The following GDPD1 variants were observed in gnomAD, a reference collection of about 807,000 sequenced individuals.
GDPD1 encodes lysophospholipase D GDPD1.
Under a neutral mutation model 45.1 loss-of-function variants are expected in GDPD1, and 28 were observed. The observed-to-expected ratio is 0.62, with a 90% CI of 0.46 to 0.85. The LOEUF (loss-of-function observed/expected upper bound fraction) is 0.85, where lower values mean the gene tolerates loss of function less well. Ranked by LOEUF, GDPD1 falls within the 40% of genes least tolerant of loss-of-function variation. The pLI is 0.00. For synonymous variants in GDPD1, 139 were observed against 131.4 expected (o/e 1.06, Z -0.40); for missense variants, 256 against 364.8 (o/e 0.70, Z 2.43).
rs189766661 is a variant in GDPD1, at chr17:59,222,695, A to G, written c.142+1944A>G. ...ACGCACAGCTAATTTTTGTATTTTT[A>G]GTGGAGACGAGGTTTCACCATGTTG... On this transcript the variant is annotated intron_variant, in intron 1 of 9. Coordinates refer to ENST00000284116, the MANE Select transcript of GDPD1 (RefSeq NM_182569.4). Among the ~76,000 whole-genome samples the G allele has an allele frequency of 3.0e-3, 458 of 151,184 alleles. 3 individuals carry two copies. Among genetic ancestry groups the G allele is most frequent in the Admixed American group, 7.9e-3 (119 of 15,092 alleles).
chr17:59,239,033 C>T (rs1232515433), intron 2 of GDPD1, among the ~76,000 whole-genome samples: 1 of 152,106 alleles, frequency 6.6e-6, no homozygotes, highest in African/African-American at 2.4e-5. Context: ...TTAGGAAATA[C>T]CCGTAGGACA....
At chr17:59,262,777 G>A (rs1260810967) in intron 6 of GDPD1, among the ~76,000 whole-genome samples, 10 of 151,842 alleles carry the variant, frequency 6.6e-5, no homozygotes, top group African/African-American at 9.7e-5. Context: ...ACAGGCGCCC[G>A]CCACTAAGCC....
At chr17:59,220,873 T>C (rs184486789) in intron 1 of GDPD1, 122 bp downstream of exon 1, 19 of 1,103,348 alleles carry the variant, frequency 1.7e-5, no homozygotes, top group Non-Finnish European at 2.6e-6. Context: ...GTTGTGTGAA[T>C]TGAGGGCTCT....
At chr17:59,253,833 C>T (rs775365479) in intron 4 of GDPD1, among the ~76,000 whole-genome samples, 10 of 151,998 alleles carry the variant, frequency 6.6e-5, no homozygotes, top group Non-Finnish European at 1.5e-4. Context: ...GATCATATGC[C>T]CATCCCCGAG....
At chr17:59,266,119 G>A (rs2047397153) in intron 6 of GDPD1, among the ~76,000 whole-genome samples, 1 of 151,992 alleles carries the variant, frequency 6.6e-6, no homozygotes, top group Non-Finnish European at 1.5e-5. Flanking sequence ...TGGTGCGGTG[G>A]CTCACACTTG....
intron 4 of GDPD1, chr17:59,249,003 A>G: frequency 2.7e-6 from 1 of 364,754 alleles, no homozygotes; most frequent in Non-Finnish European, 4.9e-6. Flanking sequence ...TTAAACCTGA[A>G]CACTGATTGC....
chr17:59,255,854 C>T lies in GDPD1; in HGVS notation c.368-1268C>T, dbSNP rs1200173106. 1.4e-3 allele frequency among the ~76,000 whole-genome samples: 118 copies of T among 81,898 alleles called. 1 individual carries two copies. Among genetic ancestry groups the T allele is most frequent in the African/African-American group, 8.7e-3 (112 of 12,932 alleles). 53.7% of individuals were successfully genotyped at this position (81,898 alleles called of 152,430 possible). A position where few individuals can be genotyped will look rare whatever the true frequency, so the allele number is the denominator to read the frequency against. On this transcript the variant is annotated intron_variant, in intron 4 of 9. Transcript: ENST00000284116. ...GCGTATATATATATATATATATACA[C>T]ACGTATATATATATATATATACACA... is the stretch of plus-strand genomic sequence containing the variant.
rs768486291 is a variant in GDPD1 at position 59,220,592 on chromosome 17, T to A, written c.-18T>A. On this transcript the variant is annotated 5_prime_UTR_variant, in exon 1 of 10. Coordinates refer to ENST00000284116, the MANE Select transcript of GDPD1 (RefSeq NM_182569.4). Reference sequence around the variant, plus strand: ...TCAGAGGGCCCGGAGGTGGGAGACTTCCCACACGGTGACTGAGATGTCGTC... The same window carrying A: ...TCAGAGGGCCCGGAGGTGGGAGACTACCCACACGGTGACTGAGATGTCGTC... 1.9e-6 allele frequency: 3 copies of A among 1,611,424 alleles called. No homozygotes were observed. The African/African-American group carries it at 4.0e-5, about 22-fold the overall frequency.
intron 1 of GDPD1, among the ~76,000 whole-genome samples, chr17:59,233,868 A>G (rs145104636): frequency 2.0e-5 from 3 of 152,180 alleles, no homozygotes; most frequent in Non-Finnish European, 1.5e-5. Context: ...TTTCGTGCAT[A>G]AAATTATTTA....
intron 1 of GDPD1, among the ~76,000 whole-genome samples, chr17:59,232,481 AAAGAAATGGATATCGAAG>A (rs1291525649): frequency 1.3e-5 from 2 of 152,190 alleles, no homozygotes; most frequent in Admixed American, 1.3e-4. Flanking sequence ...CAGTACACTG[AAAGAAATGGATATCGAAG>A]AAGTTTTTAA....
chr17:59,255,728 A>G (rs1285034662), intron 4 of GDPD1, among the ~76,000 whole-genome samples: 1 of 125,002 alleles, frequency 8.0e-6, no homozygotes, highest in Non-Finnish European at 1.6e-5. Context: ...GGGCAACAAG[A>G]ACGAAACTCC....
rs914035469 is a variant in GDPD1 at position 59,232,355 on chromosome 17, C to G, written c.143-2137C>G. ...GTCCCAGCTGCTTGGGAGGCTGAGG[C>G]AGGAGAATCGCTTGAACCTGGGAGG... is the stretch of plus-strand genomic sequence containing the variant. On this transcript the variant is annotated intron_variant, in intron 1 of 9. Coordinates refer to ENST00000284116, the MANE Select transcript of GDPD1 (RefSeq NM_182569.4). Among the ~76,000 whole-genome samples the G allele has an allele frequency of 2.0e-5, 3 of 151,120 alleles. No individual in the cohort carries two copies. The Admixed American group carries it at 2.0e-4, about 10-fold the overall frequency.
intron 4 of GDPD1, among the ~76,000 whole-genome samples, chr17:59,256,307 A>AC (rs1156626171): frequency 6.6e-6 from 1 of 152,102 alleles, no homozygotes; most frequent in African/African-American, 2.4e-5. Flanking sequence ...ACAGAGTGAG[A>AC]CCCTGTCTCA....
chr17:59,273,991 A>G lies in GDPD1; in HGVS notation c.*218A>G, dbSNP rs899411019. 3 of 742,052 alleles carry G rather than the reference A, an allele frequency of 4.0e-6. No individual in the cohort carries two copies. Among genetic ancestry groups the G allele is most frequent in the Non-Finnish European group, 3.3e-6 (2 of 604,874 alleles). The allele number at this position is 742,052 out of a possible 1,614,324, so 46.0% of individuals were successfully genotyped here. A position where few individuals can be genotyped will look rare whatever the true frequency, so the allele number is the denominator to read the frequency against. Reference sequence around the variant, plus strand: ...TTATGTTTGTAAATTGTTTAGAAAGATAATTGGTTATGAGATGTAAGTTTT... The same window carrying G: ...TTATGTTTGTAAATTGTTTAGAAAGGTAATTGGTTATGAGATGTAAGTTTT... On this transcript the variant is annotated 3_prime_UTR_variant, in exon 10 of 10. Transcript: ENST00000284116.
intron 1 of GDPD1, among the ~76,000 whole-genome samples, chr17:59,223,606 T>C (rs2047022877): frequency 6.6e-6 from 1 of 152,236 alleles, no homozygotes; most frequent in Non-Finnish European, 1.5e-5. Flanking sequence ...AAATACCTGA[T>C]ATTTACTTAT....
rs1174794003 is a variant in GDPD1, at chr17:59,255,743, C to CA, written c.368-1359dup. Among the ~76,000 whole-genome samples the CA allele has an allele frequency of 7.8e-3, 207 of 26,600 alleles. 13 individuals carry two copies. The highest frequency in any genetic ancestry group is 0.019 in the African/African-American group (72 of 3,880). 17.5% of individuals were successfully genotyped at this position (26,600 alleles called of 152,430 possible). ...GGGCAACAAGAACGAAACTCCGTCT[C>CA]AAAAAAAAAAAAAAAAAAAATATAT... On this transcript the variant is annotated intron_variant, in intron 4 of 9. Coordinates refer to ENST00000284116, the MANE Select transcript of GDPD1 (RefSeq NM_182569.4).
intron 1 of GDPD1, among the ~76,000 whole-genome samples, chr17:59,227,358 G>A (rs1193285417): frequency 6.6e-6 from 1 of 151,872 alleles, no homozygotes; most frequent in Non-Finnish European, 1.5e-5. Context: ...GGTGGAGGTT[G>A]CAGTGAGCTG....
intron 4 of GDPD1, among the ~76,000 whole-genome samples, chr17:59,255,786 C>CGT (rs1202631253): frequency 2.5e-5 from 1 of 40,418 alleles, no homozygotes; most frequent in African/African-American, 2.0e-4. Context: ...TATATATATA[C>CGT]GCGTATATAT....
At chr17:59,234,564 C>T (rs776886710) in intron 2 of GDPD1, 30 bp downstream of exon 2, 6 of 1,501,310 alleles carry the variant, frequency 4.0e-6, no homozygotes, top group Non-Finnish European at 5.5e-6. Flanking sequence ...AAAAGGTACT[C>T]TTTTCTTTTA....
Sources: allele counts gnomAD v4.1 joint callset (sites outside exome capture counted in the v4.1 genomes callset), GRCh38; gene constraint gnomAD v4.1.1; transcripts MANE v1.5; gene names NCBI Gene and HGNC (gene_info 2026-07-23, HGNC 2026-07-21).